Variants in TXNRD1 observed in about 807,000 individuals in gnomAD.
TXNRD1 encodes the protein thioredoxin reductase 1, cytoplasmic.
In TXNRD1, 57 loss-of-function variants were observed where a neutral mutation model predicts 80.3. The observed-to-expected ratio is 0.71, with a 90% CI of 0.57 to 0.89. The LOEUF (loss-of-function observed/expected upper bound fraction) is 0.89. TXNRD1 is among the 40% of genes least tolerant of loss of function. The probability of loss-of-function intolerance (pLI) is 0.00; values close to 1 mark genes in which losing one functional copy is unlikely to be tolerated. For synonymous variants in TXNRD1, 291 were observed against 285.2 expected (o/e 1.02, Z -0.20); for missense variants, 730 against 803.0 (o/e 0.91, Z 1.10).
intron 4 of TXNRD1, among the ~76,000 whole-genome samples, chr12:104,303,401 A>T (rs1282107382): frequency 6.6e-6 from 1 of 152,242 alleles, no homozygotes; most frequent in Admixed American, 6.5e-5. Flanking sequence ...GTTCACAAAA[A>T]ACCAAAACCA....
At chr12:104,311,847 G>C (rs2035144916) in intron 5 of TXNRD1, among the ~76,000 whole-genome samples, 1 of 152,060 alleles carries the variant, frequency 6.6e-6, no homozygotes, top group Admixed American at 6.6e-5. Context: ...CAGGCGTGGT[G>C]GTGGGCACCT....
At chr12:104,343,893 C>G (rs1278674809) in intron 16 of TXNRD1, among the ~76,000 whole-genome samples, 2 of 151,914 alleles carry the variant, frequency 1.3e-5, no homozygotes, top group Non-Finnish European at 2.9e-5. Context: ...CATCTGAGGT[C>G]AGGAGTTCAA....
At chr12:104,241,271 C>A (rs1467537148) in intron 1 of TXNRD1, among the ~76,000 whole-genome samples, 1 of 152,088 alleles carries the variant, frequency 6.6e-6, no homozygotes, top group Non-Finnish European at 1.5e-5. Flanking sequence ...AAACTCCTGA[C>A]CTGGTGATCC....
rs370836457 is a variant in TXNRD1, at chr12:104,246,426, TCAAAAAAA to T, written c.92-5077_92-5070del. Among the ~76,000 whole-genome samples the T allele has an allele frequency of 3.5e-3, 524 of 150,372 alleles. 2 individuals carry two copies. The highest frequency in any genetic ancestry group is 0.015 in the East Asian group (74 of 5,088). Reference sequence around the variant, plus strand: ...CTGGGCGACAGTGCGAGACTCCATCTCAAAAAAACAAAAAAACAAAAAAACAAAAAACT... The same window carrying T: ...CTGGGCGACAGTGCGAGACTCCATCTCAAAAAAACAAAAAAACAAAAAACT... On this transcript the variant is annotated intron_variant, in intron 1 of 16. Transcript: ENST00000525566.
intron 4 of TXNRD1, among the ~76,000 whole-genome samples, chr12:104,292,804 A>G (rs1318431618): frequency 2.0e-5 from 3 of 152,230 alleles, no homozygotes; most frequent in African/African-American, 7.2e-5. Context: ...TTTGATCAAG[A>G]TCATTTGATG....
At chr12:104,227,522 C>A (rs1202901519) in intron 1 of TXNRD1, among the ~76,000 whole-genome samples, 2 of 152,184 alleles carry the variant, frequency 1.3e-5, no homozygotes, top group Non-Finnish European at 2.9e-5. Flanking sequence ...CCTCCTGGGC[C>A]TCCCAAAGTG....
chr12:104,323,818 C>T (rs1172548582), intron 10 of TXNRD1, among the ~76,000 whole-genome samples: 1 of 144,310 alleles, frequency 6.9e-6, no homozygotes. Context: ...TGACCCCCCC[C>T]CACCTCCCTC....
At chr12:104,249,174 C>G (rs1426774208) in intron 1 of TXNRD1, among the ~76,000 whole-genome samples, 1 of 152,204 alleles carries the variant, frequency 6.6e-6, no homozygotes, top group Non-Finnish European at 1.5e-5. Context: ...GATTCCACGT[C>G]TGGTGAGGGC....
intron 3 of TXNRD1, among the ~76,000 whole-genome samples, chr12:104,278,074 T>C (rs1246272377): frequency 6.6e-6 from 1 of 151,334 alleles, no homozygotes; most frequent in Non-Finnish European, 1.5e-5. Flanking sequence ...AGAGGGGGTT[T>C]CATCGTGTTA....
intron 16 of TXNRD1, chr12:104,345,919 A>G (rs1318108620): frequency 7.9e-6 from 10 of 1,271,998 alleles, no homozygotes; most frequent in Non-Finnish European, 9.2e-6. Context: ...ATGGAAGGGC[A>G]TGGAGGCTGC....
chr12:104,339,279 T>A lies in TXNRD1; in HGVS notation c.1881+6T>A. 1 of 1,613,384 alleles carries A rather than the reference T, an allele frequency of 6.2e-7. No homozygotes were observed. Among genetic ancestry groups the A allele is most frequent in the Non-Finnish European group, 8.5e-7 (1 of 1,179,678 alleles). On this transcript the variant is annotated splice_donor_region_variant and intron_variant, in intron 16 of 16. Coordinates refer to ENST00000525566, the MANE Select transcript of TXNRD1 (RefSeq NM_001093771.3). ...TCCACCCTGTCTGTGCAGAGGTGGG[T>A]CATCTACACTTATACAGTTTAAAAT...
chr12:104,323,817 C>CA (rs565342445), intron 10 of TXNRD1, among the ~76,000 whole-genome samples: 2 of 150,996 alleles, frequency 1.3e-5, no homozygotes, highest in Non-Finnish European at 3.0e-5. Flanking sequence ...CTGACCCCCC[C>CA]CCACCTCCCT....
intron 2 of TXNRD1, among the ~76,000 whole-genome samples, chr12:104,255,327 C>G (rs774850622): frequency 1.3e-5 from 2 of 151,780 alleles, no homozygotes; most frequent in Non-Finnish European, 2.9e-5. Flanking sequence ...CCAGAATGTT[C>G]TTATTCTTAC....
At chr12:104,345,891 C>A in intron 16 of TXNRD1, 1 of 1,121,614 alleles carries the variant, frequency 8.9e-7, no homozygotes, top group Non-Finnish European at 1.2e-6. Flanking sequence ...GACCCTTGTA[C>A]GAGTCCTGTG....
In TXNRD1 at chr12:104,321,459, A is replaced by C. The variant is rs1463352179; in HGVS notation, c.1215+143A>C. On this transcript the variant is annotated intron_variant, in intron 10 of 16. Transcript: ENST00000525566. ...CCCCTACTGTTGTATACTGGTATAT[A>C]AACTTGTACCTCCCTACCATCTAAA... 3.7e-5 allele frequency: 24 copies of C among 643,634 alleles called. No homozygotes were observed. In the East Asian group the frequency reaches 6.5e-4, roughly 18 times the overall value. The allele number at this position is 643,634 out of a possible 1,614,324, so 39.9% of individuals were successfully genotyped here.
intron 1 of TXNRD1, among the ~76,000 whole-genome samples, chr12:104,234,314 A>C (rs1022622355): frequency 1.0e-3 from 158 of 152,104 alleles, no homozygotes; most frequent in African/African-American, 3.8e-3. Context: ...TCTTTTTTTG[A>C]GACGAAGTCT....
intron 3 of TXNRD1, chr12:104,265,663 G>T (rs1286504833): frequency 1.2e-6 from 2 of 1,605,794 alleles, no homozygotes; most frequent in South Asian, 1.1e-5. Flanking sequence ...CCGGCACCGC[G>T]CCCGAGCCCA....
chr12:104,317,747 G>T (rs1372842655), intron 7 of TXNRD1, among the ~76,000 whole-genome samples: 2 of 152,184 alleles, frequency 1.3e-5, no homozygotes, highest in African/African-American at 2.4e-5. Flanking sequence ...GAAGCAGGGG[G>T]ATAATTTGAG....
chr12:104,305,419 T>C (rs2034865086), intron 4 of TXNRD1, among the ~76,000 whole-genome samples: 1 of 152,164 alleles, frequency 6.6e-6, no homozygotes, highest in Non-Finnish European at 1.5e-5. Flanking sequence ...AAAAAAGTCA[T>C]TGCAAGGAAG....
Sources: allele counts gnomAD v4.1 joint callset (sites outside exome capture counted in the v4.1 genomes callset), GRCh38; gene constraint gnomAD v4.1.1; transcripts MANE v1.5; gene names NCBI Gene and HGNC (gene_info 2026-07-23, HGNC 2026-07-21).